Variants in FTO observed in about 807,000 individuals in gnomAD.
FTO encodes the protein alpha-ketoglutarate-dependent dioxygenase FTO.
Under a neutral mutation model 63.9 loss-of-function variants are expected in FTO, and 47 were observed. The observed-to-expected ratio is 0.74, with a 90% CI of 0.58 to 0.94. FTO has a LOEUF of 0.94. Among genes scored for constraint, FTO ranks in the 40% least tolerant of loss-of-function variants. FTO has a pLI of 0.00. For missense variants in FTO, 562 were observed against 618.1 expected, an observed-to-expected ratio of 0.91 and a Z score of 0.96; for synonymous variants, 207 against 224.4, an observed-to-expected ratio of 0.92 and a Z score of 0.69.
At chr16:53,934,131 G>A (rs955661199) in intron 8 of FTO, 22 bp downstream of exon 8, 1 of 1,613,832 alleles carries the variant, frequency 6.2e-7, no homozygotes, top group African/African-American at 1.3e-5. Flanking sequence ...TGTGAAATGG[G>A]ATTTGTTGTT....
intron 8 of FTO, among the ~76,000 whole-genome samples, chr16:54,097,097 A>G (rs944826430): frequency 6.6e-6 from 1 of 152,222 alleles, no homozygotes; most frequent in African/African-American, 2.4e-5. Context: ...GACGTAAGCC[A>G]TACTGTTTAT....
chr16:54,035,819 G>A (rs2540780), intron 8 of FTO, among the ~76,000 whole-genome samples: 1 of 151,916 alleles, frequency 6.6e-6, no homozygotes, highest in Non-Finnish European at 1.5e-5. Context: ...CCTTTCACCC[G>A]CTTCCTCTTG....
intron 1 of FTO, among the ~76,000 whole-genome samples, chr16:53,804,323 A>C (rs2078298794): frequency 6.6e-6 from 1 of 152,178 alleles, no homozygotes; most frequent in African/African-American, 2.4e-5. Flanking sequence ...TGTATGAATA[A>C]TTTTATTTTA....
Position 54,073,711 on chromosome 16 carries a change from G to T in FTO, c.1365-38051G>T, listed in dbSNP as rs149117494. On this transcript the variant is annotated intron_variant, in intron 8 of 8. Coordinates refer to ENST00000471389, the MANE Select transcript of FTO (RefSeq NM_001080432.3). ...TCTCCTCCCACCTCAGCCTCCCAAA[G>T]TGTTGGGATTACAAGCATGTGCATT... is the stretch of plus-strand genomic sequence containing the variant. Among the ~76,000 whole-genome samples, 414 of 151,884 alleles carry T rather than the reference G, an allele frequency of 2.7e-3. 2 individuals carry two copies. Among genetic ancestry groups the T allele is most frequent in the African/African-American group, 9.7e-3 (403 of 41,368 alleles).
intron 1 of FTO, among the ~76,000 whole-genome samples, chr16:53,804,402 T>C (rs566646875): frequency 6.6e-6 from 1 of 152,326 alleles, no homozygotes; most frequent in East Asian, 1.9e-4. Flanking sequence ...TTGCTTCCGA[T>C]GTGGTACCGC....
Position 54,062,872 on chromosome 16 carries a change from AG to A in FTO, c.1365-48889del, listed in dbSNP as rs527403922. Among the ~76,000 whole-genome samples, 98 of 152,326 alleles carry A rather than the reference AG, an allele frequency of 6.4e-4. 1 individual carries two copies. The highest frequency in any genetic ancestry group is 2.3e-3 in the African/African-American group (94 of 41,568). On this transcript the variant is annotated intron_variant, in intron 8 of 8. Coordinates refer to ENST00000471389, the MANE Select transcript of FTO (RefSeq NM_001080432.3). ...CACTCACCTGCAGTGACAAATAGAT[AG>A]TCATGAAGGATTGGAAATCCTGCCC... is the stretch of plus-strand genomic sequence containing the variant.
chr16:54,071,884 A>G (rs182487841), intron 8 of FTO: 18 of 152,220 alleles, frequency 1.2e-4, no homozygotes, highest in Admixed American at 5.9e-4. Context: ...TCTATGCATC[A>G]CATCAATAGG....
chr16:53,785,223 G>A (rs1021666982), intron 1 of FTO, among the ~76,000 whole-genome samples: 6 of 152,164 alleles, frequency 3.9e-5, no homozygotes, highest in African/African-American at 1.4e-4. Context: ...ACAGGGCAGA[G>A]TGCCAGTGCA....
chr16:53,939,551 A>G (rs1445115900), intron 8 of FTO, among the ~76,000 whole-genome samples: 5 of 152,184 alleles, frequency 3.3e-5, no homozygotes, highest in African/African-American at 4.8e-5. Context: ...TGTTACCACT[A>G]TCCAATTCCA....
At chr16:53,761,798 C>T (rs2077078527) in intron 1 of FTO, among the ~76,000 whole-genome samples, 1 of 152,156 alleles carries the variant, frequency 6.6e-6, no homozygotes, top group Admixed American at 6.5e-5. Context: ...ATATCTTAGT[C>T]TGCTCATTGA....
chr16:53,882,538 G>A (rs2080866184), intron 6 of FTO, among the ~76,000 whole-genome samples: 1 of 152,202 alleles, frequency 6.6e-6, no homozygotes, highest in Non-Finnish European at 1.5e-5. Flanking sequence ...TGCAAAGGCT[G>A]TGTGGTGGGG....
chr16:53,933,959 T>A, intron 7 of FTO, 26 bp from the exon 8 acceptor site: 1 of 1,611,328 alleles, frequency 6.2e-7, no homozygotes, highest in Non-Finnish European at 8.5e-7. Context: ...ACTTTTTCTT[T>A]CTCTGTTTTG....
intron 8 of FTO, among the ~76,000 whole-genome samples, chr16:54,017,201 A>C (rs1349419486): frequency 9.2e-5 from 14 of 152,232 alleles, no homozygotes; most frequent in Admixed American, 5.2e-4. Flanking sequence ...GAGAAGTAGC[A>C]GTCAGAAGCA....
chr16:53,893,764 A>G (rs867611180), intron 7 of FTO, among the ~76,000 whole-genome samples: 2 of 151,918 alleles, frequency 1.3e-5, no homozygotes, highest in African/African-American at 4.8e-5. Flanking sequence ...GATACTGGAG[A>G]GAAATTCTTC....
At chr16:53,991,576 A>G (rs1252156496) in intron 8 of FTO, 2 of 152,198 alleles carry the variant, frequency 1.3e-5, no homozygotes, top group East Asian at 3.9e-4. Flanking sequence ...TTTTTTACCT[A>G]GAAAGGAGCC....
intron 1 of FTO, among the ~76,000 whole-genome samples, chr16:53,791,968 C>T (rs988790937): frequency 3.0e-4 from 45 of 151,436 alleles, no homozygotes; most frequent in African/African-American, 1.1e-3. Flanking sequence ...CCCAGCTACT[C>T]GGGAGGCTGA....
chr16:53,793,024 A>C (rs1211939770), intron 1 of FTO, among the ~76,000 whole-genome samples: 2 of 152,206 alleles, frequency 1.3e-5, no homozygotes, highest in African/African-American at 2.4e-5. Context: ...TTTCAGTAGA[A>C]TTACTTGGAG....
At chr16:53,846,111 G>A (rs1369621569) in intron 4 of FTO, among the ~76,000 whole-genome samples, 3 of 151,796 alleles carry the variant, frequency 2.0e-5, no homozygotes, top group African/African-American at 7.3e-5. Context: ...GTAGAACAGG[G>A]ACCAGAATGG....
At chr16:53,975,937 A>G (rs78952151) in intron 8 of FTO, among the ~76,000 whole-genome samples, 151 of 152,288 alleles carry the variant, frequency 9.9e-4, no homozygotes, top group Non-Finnish European at 1.8e-3. Flanking sequence ...TTTGAGGCAC[A>G]GATTGATTAA....
Sources: gnomAD v4.1 joint callset for allele counts (sites outside exome capture counted in the v4.1 genomes callset) on GRCh38, gnomAD v4.1.1 for gene constraint, MANE v1.5 for transcripts, NCBI Gene and HGNC (gene_info 2026-07-23, HGNC 2026-07-21) for gene names.